The following MAPKAPK3 variants were observed in gnomAD, a reference collection of about 807,000 sequenced individuals.
The protein encoded by MAPKAPK3 is MAP kinase-activated protein kinase 3.
MAPKAPK3 carries 35 observed loss-of-function variants against 49.2 expected under a neutral mutation model. The observed-to-expected ratio is 0.71, with a 90% CI of 0.54 to 0.94. MAPKAPK3 has a LOEUF of 0.94. MAPKAPK3 is among the 40% of genes least tolerant of loss of function. MAPKAPK3 has a pLI of 0.00. For missense variants in MAPKAPK3, 398 were observed against 493.1 expected (o/e 0.81, Z 1.83); for synonymous variants, 178 against 188.7 (o/e 0.94, Z 0.46).
At chr3:50,630,621 C>T (rs763112035) in intron 2 of MAPKAPK3, among the ~76,000 whole-genome samples, 6 of 152,256 alleles carry the variant, frequency 3.9e-5, no homozygotes, top group Non-Finnish European at 7.3e-5. Flanking sequence ...GGGCCTGGTC[C>T]AGACCAGGGG....
Position 50,648,292 on chromosome 3 carries a change from A to G in MAPKAPK3, c.*246A>G. The G allele has an allele frequency of 2.1e-6, 1 of 469,190 alleles. No homozygotes were observed. The highest frequency in any genetic ancestry group is 3.8e-6 in the Non-Finnish European group (1 of 263,676). 29.1% of individuals were successfully genotyped at this position (469,190 alleles called of 1,614,324 possible). Reference sequence around the variant, plus strand: ...GCTGGGAGCTGCCTGCTGCCATAGCAGCACCTTTAGCTAGGTTGGCCCGAG... The same window carrying G: ...GCTGGGAGCTGCCTGCTGCCATAGCGGCACCTTTAGCTAGGTTGGCCCGAG... On this transcript the variant is annotated 3_prime_UTR_variant, in exon 11 of 11. Transcript: ENST00000621469.
chr3:50,648,115 C>T lies in MAPKAPK3; in HGVS notation c.*69C>T, dbSNP rs555199096. On this transcript the variant is annotated 3_prime_UTR_variant, in exon 11 of 11. Transcript: ENST00000621469. Reference sequence around the variant, plus strand: ...AGACTGAAATGTGCTCAGGCCCTGGCCAGGAGGGCCCAGGGTCATTCTTTT... The same window carrying T: ...AGACTGAAATGTGCTCAGGCCCTGGTCAGGAGGGCCCAGGGTCATTCTTTT... The T allele has an allele frequency of 1.3e-5, 18 of 1,430,348 alleles. No individual in the cohort carries two copies. In the East Asian group the frequency reaches 3.9e-4, roughly 31 times the overall value. 88.6% of individuals were successfully genotyped at this position (1,430,348 alleles called of 1,614,324 possible).
At position 50,648,276 on chromosome 3, in the gene MAPKAPK3, T is replaced by C; in HGVS notation, c.*230T>C. ...TGGGCAGGGCCTAGGGGCTGGGAGC[T>C]GCCTGCTGCCATAGCAGCACCTTTA... On this transcript the variant is annotated 3_prime_UTR_variant, in exon 11 of 11. Coordinates refer to ENST00000621469, the MANE Select transcript of MAPKAPK3 (RefSeq NM_001243925.2). 2 of 502,216 alleles carry C rather than the reference T, an allele frequency of 4.0e-6. No individual in the cohort carries two copies. Among genetic ancestry groups the C allele is most frequent in the South Asian group, 5.2e-5 (2 of 38,342 alleles). The allele number at this position is 502,216 out of a possible 1,614,324, so 31.1% of individuals were successfully genotyped here. A position where few individuals can be genotyped will look rare whatever the true frequency, so the allele number is the denominator to read the frequency against.
chr3:50,642,306 C>T lies in MAPKAPK3; in HGVS notation c.478C>T (p.His160Tyr), dbSNP rs746971211. 2.5e-6 allele frequency: 4 copies of T among 1,577,542 alleles called. No homozygotes were observed. The Admixed American group carries it at 7.1e-5, about 28-fold the overall frequency. ...CACTGCCATCCAGTTTCTGCACAGC[C>T]ATAACATTGCCCACCGAGATGTCAA... ...IGTAIQFLHSHNIAHRDVKPE... is the reference protein window; with the variant it reads ...IGTAIQFLHSYNIAHRDVKPE... The change falls in exon 5 of 11, where the codon CAT becomes TAT. Residue 160 changes from histidine (H) to tyrosine (Y), a missense_variant. This residue lies in a region of MAPKAPK3 where 41 missense variants were observed against 35.8 expected (regional missense o/e 1.15). Coordinates refer to ENST00000621469, the MANE Select transcript of MAPKAPK3 (RefSeq NM_001243925.2).
chr3:50,637,825 A>G (rs1368807335), intron 2 of MAPKAPK3, among the ~76,000 whole-genome samples: 1 of 152,152 alleles, frequency 6.6e-6, no homozygotes, highest in Non-Finnish European at 1.5e-5. Context: ...GCAAGAATGC[A>G]CATGACAGGG....
intron 2 of MAPKAPK3, among the ~76,000 whole-genome samples, chr3:50,628,609 T>C (rs1055258625): frequency 6.6e-6 from 1 of 152,200 alleles, no homozygotes; most frequent in Non-Finnish European, 1.5e-5. Context: ...GAGTATGTAC[T>C]CAGGGGGCTC....
chr3:50,646,880 C>A, intron 9 of MAPKAPK3, 55 bp downstream of exon 9: 1 of 1,562,942 alleles, frequency 6.4e-7, no homozygotes, highest in South Asian at 1.1e-5. Flanking sequence ...GTGGGGCTGC[C>A]GGGCAGGAGG....
intron 2 of MAPKAPK3, among the ~76,000 whole-genome samples, chr3:50,626,945 C>T (rs1205049188): frequency 6.6e-6 from 1 of 152,112 alleles, no homozygotes; most frequent in Admixed American, 6.5e-5. Flanking sequence ...GTAATCCCAG[C>T]ACTTTGGGAG....
chr3:50,630,774 ACT>A (rs1421137258), intron 2 of MAPKAPK3, among the ~76,000 whole-genome samples: 2 of 151,982 alleles, frequency 1.3e-5, no homozygotes, highest in Non-Finnish European at 2.9e-5. Flanking sequence ...CCCAGTCTTG[ACT>A]CTCACTGCCC....
chr3:50,644,353 G>A (rs937841667), intron 5 of MAPKAPK3, 56 bp from the exon 6 acceptor site: 9 of 1,604,486 alleles, frequency 5.6e-6, no homozygotes, highest in African/African-American at 1.3e-5. Flanking sequence ...TCACCTTGGG[G>A]CTCTGCTCCT....
chr3:50,633,592 C>T (rs1042564450), intron 2 of MAPKAPK3, among the ~76,000 whole-genome samples: 15 of 152,204 alleles, frequency 9.9e-5, no homozygotes, highest in African/African-American at 3.6e-4. Context: ...CTCATCTCCC[C>T]TCAGGGAGGG....
chr3:50,631,539 A>T (rs2032910630), intron 2 of MAPKAPK3, among the ~76,000 whole-genome samples: 1 of 152,226 alleles, frequency 6.6e-6, no homozygotes. Context: ...GTGTGTGTTA[A>T]TAGCCCACAC....
At chr3:50,647,054 G>A in intron 9 of MAPKAPK3, 69 bp from the exon 10 acceptor site, 1 of 1,334,936 alleles carries the variant, frequency 7.5e-7, no homozygotes, top group South Asian at 1.3e-5. Context: ...GAAGAGGATG[G>A]AGTAGGGGGA....
intron 2 of MAPKAPK3, among the ~76,000 whole-genome samples, chr3:50,630,077 G>T (rs1185198868): frequency 6.6e-6 from 1 of 152,222 alleles, no homozygotes. Context: ...GAAGGGGAGT[G>T]GTTGTTTAGG....
chr3:50,622,000 T>C (rs2032621499), intron 2 of MAPKAPK3, among the ~76,000 whole-genome samples: 1 of 152,058 alleles, frequency 6.6e-6, no homozygotes, highest in Admixed American at 6.5e-5. Context: ...CTCTGCAGAG[T>C]CCTCTGGGTC....
At position 50,647,119 on chromosome 3, in the gene MAPKAPK3, C is replaced by G; in HGVS notation, c.916-4C>G. Reference sequence around the variant, plus strand: ...CTAATCCACGGGCGTGGGGCTCCTTCCAGCAATCGATGGTAGTGCCACAGA... The same window carrying G: ...CTAATCCACGGGCGTGGGGCTCCTTGCAGCAATCGATGGTAGTGCCACAGA... On this transcript the variant is annotated splice_region_variant and splice_polypyrimidine_tract_variant and intron_variant, in intron 9 of 10. Coordinates refer to ENST00000621469, the MANE Select transcript of MAPKAPK3 (RefSeq NM_001243925.2). 1 of 1,574,590 alleles carries G rather than the reference C, an allele frequency of 6.4e-7. No homozygotes were observed. The highest frequency in any genetic ancestry group is 8.6e-7 in the Non-Finnish European group (1 of 1,159,584).
chr3:50,631,814 C>A (rs1235509077), intron 2 of MAPKAPK3, among the ~76,000 whole-genome samples: 1 of 152,238 alleles, frequency 6.6e-6, no homozygotes, highest in East Asian at 1.9e-4. Context: ...ACCTAAATTT[C>A]CCTACAACAT....
At chr3:50,627,642 A>C (rs1411463932) in intron 2 of MAPKAPK3, among the ~76,000 whole-genome samples, 1 of 152,134 alleles carries the variant, frequency 6.6e-6, no homozygotes, top group African/African-American at 2.4e-5. Context: ...GTCTCGTGGC[A>C]GGAACAGGCA....
intron 2 of MAPKAPK3, among the ~76,000 whole-genome samples, chr3:50,636,725 G>A (rs1369101012): frequency 1.3e-5 from 2 of 152,186 alleles, no homozygotes; most frequent in South Asian, 2.1e-4. Flanking sequence ...ACCACATTGA[G>A]GGGAGGCCTG....
Sources: gnomAD v4.1 joint callset for allele counts (sites outside exome capture counted in the v4.1 genomes callset) on GRCh38, gnomAD v4.1.1 for gene constraint, gnomAD v4.1.1 regional missense constraint, MANE v1.5 for transcripts, NCBI Gene and HGNC (gene_info 2026-07-23, HGNC 2026-07-21) for gene names.